The following EVC2 variants were observed in gnomAD, a reference collection of about 807,000 sequenced individuals.
EVC2 encodes the protein EvC ciliary complex subunit 2, also known as limbin.
A neutral mutation model predicts 149.3 loss-of-function variants in EVC2; 148 were observed. That is an observed-to-expected ratio of 0.99 (90% CI 0.87 to 1.14). EVC2 has a LOEUF of 1.14. Among genes scored for constraint, EVC2 ranks in the 50% most tolerant of loss-of-function variants. The pLI is 0.00. For missense variants in EVC2, 1,854 were observed against 1,627.3 expected (o/e 1.14, Z -2.40); for synonymous variants, 776 against 649.9 (o/e 1.19, Z -2.95).
At chr4:5,627,859 C>T (rs1177146838) in intron 12 of EVC2, among the ~76,000 whole-genome samples, 1 of 152,050 alleles carries the variant, frequency 6.6e-6, no homozygotes, top group Non-Finnish European at 1.5e-5. Flanking sequence ...GAAGTGGGCT[C>T]TTCCATCACA....
chr4:5,564,755 G>C (rs1420310577), intron 21 of EVC2, among the ~76,000 whole-genome samples: 1 of 152,184 alleles, frequency 6.6e-6, no homozygotes, highest in African/African-American at 2.4e-5. Context: ...GATAGCCACA[G>C]CCAAGGAAAA....
At chr4:5,530,111 C>A in the EVC2 span, among the ~76,000 whole-genome samples, 204 of 152,278 alleles carry the variant, frequency 1.3e-3, no homozygotes, top group African/African-American at 4.5e-3. Flanking sequence ...CCATGTCCAG[C>A]CAGTTCTTTA....
intron 11 of EVC2, among the ~76,000 whole-genome samples, chr4:5,630,408 C>T (rs777736751): frequency 8.4e-4 from 128 of 152,270 alleles, no homozygotes; most frequent in Non-Finnish European, 4.3e-4. Flanking sequence ...CTTCATCTTT[C>T]GCCACTGTCT....
At chr4:5,604,199 T>C (rs568570505) in intron 16 of EVC2, among the ~76,000 whole-genome samples, 45 of 152,322 alleles carry the variant, frequency 3.0e-4, no homozygotes, top group African/African-American at 1.1e-3. Flanking sequence ...TATCCAGTAG[T>C]TGAGGGCGGA....
intron 21 of EVC2, among the ~76,000 whole-genome samples, chr4:5,544,786 G>A (rs1357660327): frequency 6.6e-6 from 1 of 152,196 alleles, no homozygotes; most frequent in African/African-American, 2.4e-5. Flanking sequence ...TGGATGCTCA[G>A]GATTGGGACC....
chr4:5,535,052 A>C, the EVC2 span, among the ~76,000 whole-genome samples: 2,300 of 152,218 alleles, frequency 0.015, 39 homozygotes, highest in African/African-American at 0.051. This position sits in a 1 kb window ranked among gnomAD's most constrained non-coding sequence, Gnocchi z 4.7. Flanking sequence ...GGTTCCCTCA[A>C]TACCAGTTTA....
intron 5 of EVC2, among the ~76,000 whole-genome samples, chr4:5,688,254 G>A (rs1385668479): frequency 1.3e-5 from 2 of 152,144 alleles, no homozygotes; most frequent in Non-Finnish European, 2.9e-5. Context: ...TCAGAGGGAA[G>A]GAACAGCATG....
At chr4:5,548,647 G>A (rs929683197) in intron 21 of EVC2, among the ~76,000 whole-genome samples, 4 of 152,110 alleles carry the variant, frequency 2.6e-5, no homozygotes, top group African/African-American at 4.8e-5. Context: ...TTATTGTTAT[G>A]TGAAATGGAT....
the EVC2 span, among the ~76,000 whole-genome samples, chr4:5,533,275 C>G: frequency 6.6e-6 from 1 of 152,068 alleles, no homozygotes; most frequent in Non-Finnish European, 1.5e-5. Context: ...TGAATGAAAG[C>G]TTAAAAGCCA....
At chr4:5,694,303 AT>A in intron 3 of EVC2, 31 bp downstream of exon 3, 1 of 1,610,882 alleles carries the variant, frequency 6.2e-7, no homozygotes, top group Admixed American at 1.7e-5. Flanking sequence ...AACTTCTGGT[AT>A]TTGTGTTAAA....
chr4:5,707,646 T>C (rs1032011871), intron 1 of EVC2, among the ~76,000 whole-genome samples: 1 of 149,316 alleles, frequency 6.7e-6, no homozygotes, highest in African/African-American at 2.5e-5. Context: ...CAGTGGGGAG[T>C]GAGGAGGGGC....
intron 1 of EVC2, among the ~76,000 whole-genome samples, chr4:5,698,272 C>G (rs2151740287): frequency 6.6e-6 from 1 of 152,284 alleles, no homozygotes; most frequent in South Asian, 2.1e-4. Flanking sequence ...TCCATCAACT[C>G]TGTGGACCCT....
intron 21 of EVC2, among the ~76,000 whole-genome samples, chr4:5,556,315 A>T (rs1721839671): frequency 6.6e-6 from 1 of 152,068 alleles, no homozygotes; most frequent in Non-Finnish European, 1.5e-5. Context: ...TAATATATTC[A>T]GATTAAATAA....
intron 17 of EVC2, among the ~76,000 whole-genome samples, chr4:5,577,793 C>A (rs1028719981): frequency 1.3e-5 from 2 of 152,174 alleles, no homozygotes; most frequent in Non-Finnish European, 2.9e-5. Flanking sequence ...AGATGTGGAA[C>A]TATGACCATC....
intron 5 of EVC2, 127 bp downstream of exon 5, chr4:5,689,030 T>C (rs566578685): frequency 4.0e-6 from 4 of 1,012,184 alleles, no homozygotes; most frequent in African/African-American, 1.6e-5. Context: ...TAAGATCCAC[T>C]GTGAGGATTA....
chr4:5,557,671 A>G (rs1156486245), downstream of EVC2, among the ~76,000 whole-genome samples: 1 of 152,120 alleles, frequency 6.6e-6, no homozygotes, highest in African/African-American at 2.4e-5. Context: ...CTGACCAAAA[A>G]CAAACAAACA....
chr4:5,533,346 G>A, the EVC2 span, among the ~76,000 whole-genome samples: 1 of 152,194 alleles, frequency 6.6e-6, no homozygotes, highest in Non-Finnish European at 1.5e-5. Flanking sequence ...AGGCCTGGAG[G>A]CAGCCACAGT....
chr4:5,671,882 G>A (rs1719672838), intron 7 of EVC2, among the ~76,000 whole-genome samples: 1 of 152,208 alleles, frequency 6.6e-6, no homozygotes. Context: ...GCTATAATTT[G>A]TTTGCCTGAA....
chr4:5,671,443 C>A (rs1384288436), intron 7 of EVC2, among the ~76,000 whole-genome samples: 1 of 152,192 alleles, frequency 6.6e-6, no homozygotes, highest in Non-Finnish European at 1.5e-5. Context: ...CCTTCCTAAT[C>A]CCTTCAAACT....
Sources: gnomAD v4.1 joint callset for allele counts (sites outside exome capture counted in the v4.1 genomes callset) on GRCh38, gnomAD v4.1.1 for gene constraint, Gnocchi (gnomAD v3.1) non-coding constraint, MANE v1.5 for transcripts, NCBI Gene and HGNC (gene_info 2026-07-23, HGNC 2026-07-21) for gene names.